Variants in MACF1 observed in about 807,000 individuals in gnomAD.
MACF1 encodes the protein microtubule actin crosslinking factor 1.
In MACF1, 193 loss-of-function variants were observed where a neutral mutation model predicts 854.8. The observed-to-expected ratio is 0.23, with a 90% CI of 0.20 to 0.25. The LOEUF is 0.25. Ranked by LOEUF, MACF1 falls within the 10% of genes least tolerant of loss-of-function variation. MACF1 has a pLI of 1.00. For synonymous variants in MACF1, 3,185 were observed against 3,226.7 expected (o/e 0.99, Z 0.44); for missense variants, 7,722 against 8,929.1 (o/e 0.86, Z 5.45).
At chr1:39,135,381 G>C (rs1340908788) in intron 2 of MACF1, among the ~76,000 whole-genome samples, 1 of 152,020 alleles carries the variant, frequency 6.6e-6, no homozygotes, top group Non-Finnish European at 1.5e-5. Context: ...CGAGTAGCTG[G>C]GATTACAGGT....
Position 39,084,680 on chromosome 1 carries a change from C to A in MACF1, c.220+242C>A, listed in dbSNP as rs1270727023. On this transcript the variant is annotated intron_variant, in intron 2 of 93. Coordinates refer to the MACF1 transcript ENST00000361689. This position sits in a 1 kb window ranked among gnomAD's most constrained non-coding sequence, Gnocchi z 5.2. The stretch of plus-strand genomic sequence containing the variant: ...TGTTTTCATTTCTGCACCTTCTTCC[C>A]TGTCTTTGTCCCCATTCAGTTATAT... 6.6e-6 allele frequency among the ~76,000 whole-genome samples: 1 copy of A among 152,220 alleles called. No individual in the cohort carries two copies. The highest frequency in any genetic ancestry group is 1.5e-5 in the Non-Finnish European group (1 of 68,030).
At chr1:39,416,953 A>G (rs1474801019) in intron 58 of MACF1, among the ~76,000 whole-genome samples, 1 of 152,258 alleles carries the variant, frequency 6.6e-6, no homozygotes, top group Non-Finnish European at 1.5e-5. Flanking sequence ...ATGAGTATAC[A>G]GGTTTGCTAA....
intron 58 of MACF1, chr1:39,411,358 G>A: frequency 1.2e-6 from 2 of 1,614,038 alleles, no homozygotes; most frequent in Non-Finnish European, 1.7e-6. Context: ...TGAAGAAAGA[G>A]AACAAGCAAA....
chr1:39,376,626 A>G (rs1480181184), intron 52 of MACF1, among the ~76,000 whole-genome samples: 1 of 152,196 alleles, frequency 6.6e-6, no homozygotes, highest in Non-Finnish European at 1.5e-5. Flanking sequence ...ACTGCAATGG[A>G]ATGTTATTTT....
intron 6 of MACF1, chr1:39,268,983 A>G: frequency 7.8e-7 from 1 of 1,287,108 alleles, no homozygotes; most frequent in Non-Finnish European, 1.0e-6. Flanking sequence ...CTCAGCCCCC[A>G]ACTCACGGGT....
At chr1:39,423,615 A>T (rs1013967128) in intron 60 of MACF1, among the ~76,000 whole-genome samples, 3 of 147,480 alleles carry the variant, frequency 2.0e-5, no homozygotes, top group African/African-American at 5.0e-5. Flanking sequence ...AGCCTGGGAG[A>T]CAGAGCGAGA....
chr1:39,375,600 C>T (rs1649655145), intron 52 of MACF1, among the ~76,000 whole-genome samples: 1 of 152,194 alleles, frequency 6.6e-6, no homozygotes, highest in African/African-American at 2.4e-5. Context: ...CAGGCCCAGC[C>T]TATCTAATTT....
At chr1:39,286,946 CATTTTT>C (rs533535345) in intron 14 of MACF1, among the ~76,000 whole-genome samples, 83 of 152,132 alleles carry the variant, frequency 5.5e-4, no homozygotes, top group Middle Eastern at 3.4e-3. Flanking sequence ...TCTATGATCT[CATTTTT>C]ATTTTTATTT....
chr1:39,291,027 A>G (rs1178563307), intron 15 of MACF1, among the ~76,000 whole-genome samples: 1 of 151,472 alleles, frequency 6.6e-6, no homozygotes, highest in African/African-American at 2.4e-5. Context: ...GCTGGAGTGC[A>G]GTGGCGTGAT....
intron 33 of MACF1, among the ~76,000 whole-genome samples, chr1:39,323,263 G>GC (rs1239141265): frequency 2.0e-5 from 3 of 152,010 alleles, no homozygotes; most frequent in Non-Finnish European, 4.4e-5. Flanking sequence ...GATCACTTGG[G>GC]CCTGGGAAGT....
chr1:39,353,622 C>CA (rs1647280853), intron 44 of MACF1, among the ~76,000 whole-genome samples: 1 of 152,178 alleles, frequency 6.6e-6, no homozygotes, highest in African/African-American at 2.4e-5. Context: ...TCCCGAGCTT[C>CA]AAAACGGTAT....
Position 39,409,072 on chromosome 1 carries a change from C to G in MACF1, c.15817-13302C>G, listed in dbSNP as rs1187245600. On this transcript the variant is annotated intron_variant, in intron 58 of 100. Transcript: ENST00000564288. This position sits in a 1 kb window ranked among gnomAD's most constrained non-coding sequence, Gnocchi z 4.2. The stretch of plus-strand genomic sequence containing the variant: ...AGGGGGAGGAGAGCCGCCCGCCAGC[C>G]GAGCACTTCCAGCGAGCTAGCGAGC... Among the ~76,000 whole-genome samples, 3 of 151,930 alleles carry G rather than the reference C, an allele frequency of 2.0e-5. No individual in the cohort carries two copies. The highest frequency in any genetic ancestry group is 4.4e-5 in the Non-Finnish European group (3 of 67,940).
chr1:39,480,906 T>G lies in MACF1; in HGVS notation c.22171-14T>G. On this transcript the variant is annotated splice_polypyrimidine_tract_variant and intron_variant, in intron 98 of 100. Coordinates refer to ENST00000564288, the MANE Select transcript of MACF1 (RefSeq NM_001394062.1). ...AATTGTTCCTGTCCTTCCCTTTGGA[T>G]TTCCGTTTCACAGACTTCACTTCAG... 6.9e-7 allele frequency: 1 copy of G among 1,454,826 alleles called. No individual in the cohort carries two copies. 90.1% of individuals were successfully genotyped at this position (1,454,826 alleles called of 1,614,324 possible). A position where few individuals can be genotyped will look rare whatever the true frequency, so the allele number is the denominator to read the frequency against.
chr1:39,324,676 G>C lies in MACF1; in HGVS notation c.4420G>C (p.Glu1474Gln), dbSNP rs374911872. ...VLSEELTTKK[E>Q]QVSEAIKTSQ... is the part of the protein sequence containing the mutation. ...GTCAGAAGAGCTGACAACAAAGAAA[G>C]AACAAGTCTCTGAAGCTATTAAAAC... The change falls in exon 35 of 101, where the codon GAA (glutamate) becomes CAA (glutamine). Residue 1474 changes from glutamate (E) to glutamine (Q), a missense_variant. Around this residue, in one of 15 missense-constraint regions of MACF1, gnomAD observed 1,531 missense variants for 1,601.6 expected, o/e 0.96. Transcript: ENST00000564288. 23 of 1,613,422 alleles carry C rather than the reference G, an allele frequency of 1.4e-5. No individual in the cohort carries two copies. The highest frequency in any genetic ancestry group is 1.3e-5 in the African/African-American group (1 of 74,910).
rs1470218223 is a variant in MACF1 at position 39,408,959 on chromosome 1, G to A, written c.15817-13415G>A. ...CCCGCCGGGCCCCGCCCCCGCCCTC[G>A]TCCTCCTTCCTGTGCTCTCCGCGTC... is the stretch of plus-strand genomic sequence containing the variant. On this transcript the variant is annotated intron_variant, in intron 58 of 100. Coordinates refer to ENST00000564288, the MANE Select transcript of MACF1 (RefSeq NM_001394062.1). Among the ~76,000 whole-genome samples the A allele has an allele frequency of 4.1e-5, 6 of 146,686 alleles. No individual in the cohort carries two copies. The South Asian group carries it at 1.1e-3, about 28-fold the overall frequency.
At chr1:39,381,602 C>T (rs1057129462) in intron 55 of MACF1, among the ~76,000 whole-genome samples, 11 of 151,988 alleles carry the variant, frequency 7.2e-5, no homozygotes, top group South Asian at 4.1e-4. Context: ...CTCTTGGGCT[C>T]AAGTGATTTT....
intron 1 of MACF1, among the ~76,000 whole-genome samples, chr1:39,221,218 C>T (rs1289578367): frequency 6.6e-6 from 1 of 151,990 alleles, no homozygotes; most frequent in Non-Finnish European, 1.5e-5. Flanking sequence ...CCACCGAAAA[C>T]GTAGTGAATA....
intron 26 of MACF1, among the ~76,000 whole-genome samples, chr1:39,313,634 T>C (rs1340211415): frequency 6.6e-6 from 1 of 152,140 alleles, no homozygotes. Flanking sequence ...GATTCTTATT[T>C]TATTCAATGG....
chr1:39,352,778 T>C lies in MACF1; in HGVS notation c.11200-229T>C, dbSNP rs546469221. On this transcript the variant is annotated intron_variant, in intron 43 of 100. Coordinates refer to ENST00000564288, the MANE Select transcript of MACF1 (RefSeq NM_001394062.1). ...GAAGTGAGCCACTGTGTCCTGCCTC[T>C]TTTTTTTTTTTTAAAGCAGTAAGAT... 3.7e-4 allele frequency among the ~76,000 whole-genome samples: 47 copies of C among 128,368 alleles called. No individual in the cohort carries two copies. In the East Asian group the frequency reaches 6.5e-3, roughly 18 times the overall value. 84.2% of individuals were successfully genotyped at this position (128,368 alleles called of 152,430 possible). A position where few individuals can be genotyped will look rare whatever the true frequency, so the allele number is the denominator to read the frequency against.
Sources: gnomAD v4.1 joint callset for allele counts (sites outside exome capture counted in the v4.1 genomes callset) on GRCh38, gnomAD v4.1.1 for gene constraint, gnomAD v4.1.1 regional missense constraint, Gnocchi (gnomAD v3.1) non-coding constraint, MANE v1.5 for transcripts, NCBI Gene and HGNC (gene_info 2026-07-23, HGNC 2026-07-21) for gene names.